The following NCKAP5 variants were observed in gnomAD, a reference collection of about 807,000 sequenced individuals.
NCKAP5 encodes NCK associated protein 5.
NCKAP5 carries 92 observed loss-of-function variants against 167.0 expected under a neutral mutation model. The ratio of observed to expected loss-of-function variants is 0.55; its 90% CI spans 0.47 to 0.66. The LOEUF is 0.66. Among genes scored for constraint, NCKAP5 ranks in the 30% least tolerant of loss-of-function variants. The pLI, the probability that NCKAP5 is intolerant of heterozygous loss-of-function variation, is 0.00. For missense variants in NCKAP5, 2,378 were observed against 2,315.0 expected, an observed-to-expected ratio of 1.03 and a Z score of -0.56; for synonymous variants, 891 against 877.4, an observed-to-expected ratio of 1.02 and a Z score of -0.27.
chr2:133,029,847 C>T (rs2078824322), intron 6 of NCKAP5, among the ~76,000 whole-genome samples: 1 of 152,132 alleles, frequency 6.6e-6, no homozygotes, highest in African/African-American at 2.4e-5. Context: ...TTTTCCTGCT[C>T]CAAACAAGCT....
At chr2:133,550,849 C>G (rs1687230807) in intron 2 of NCKAP5, among the ~76,000 whole-genome samples, 1 of 143,490 alleles carries the variant, frequency 7.0e-6, no homozygotes, top group South Asian at 2.4e-4. Flanking sequence ...CTAGAAAACC[C>G]CATTGTCTCA....
At chr2:133,453,371 A>G (rs894054982) in intron 3 of NCKAP5, among the ~76,000 whole-genome samples, 5 of 152,122 alleles carry the variant, frequency 3.3e-5, no homozygotes, top group Non-Finnish European at 7.4e-5. Context: ...AATAATTCCA[A>G]TTGACTAAAA....
At chr2:133,512,855 C>T (rs1208412036) in intron 3 of NCKAP5, among the ~76,000 whole-genome samples, 1 of 152,080 alleles carries the variant, frequency 6.6e-6, no homozygotes, top group African/African-American at 2.4e-5. Flanking sequence ...CCCCATGGCC[C>T]CTCCATGTAG....
At chr2:133,593,781 TTTC>T in the NCKAP5 span, among the ~76,000 whole-genome samples, 1 of 152,234 alleles carries the variant, frequency 6.6e-6, no homozygotes, top group Non-Finnish European at 1.5e-5. Context: ...CCAGCCTCTG[TTTC>T]TTCTTCTGTG....
Position 132,784,566 on chromosome 2 carries a change from C to A in NCKAP5, c.2245G>T (p.Asp749Tyr). ...TEKNIPKDNV[D>Y]NVPRVSTESF... ...TCAGTGGACACCCTGGGAACATTAT[C>A]TACATTATCTTTTGGAATGTTTTTC... is the stretch of plus-strand genomic sequence containing the variant. Residue 749 changes from aspartate to tyrosine, a missense_variant, in exon 14 of 20, where the codon GAT becomes TAT. By Grantham distance (160) the Asp-to-Tyr change is radical. Coordinates refer to ENST00000409261, the MANE Select transcript of NCKAP5 (RefSeq NM_207363.3). 1 of 1,580,686 alleles carries A rather than the reference C, an allele frequency of 6.3e-7. No individual in the cohort carries two copies. The highest frequency in any genetic ancestry group is 8.6e-7 in the Non-Finnish European group (1 of 1,162,706).
intron 6 of NCKAP5, among the ~76,000 whole-genome samples, chr2:133,019,753 G>C (rs2078462669): frequency 6.6e-6 from 1 of 152,208 alleles, no homozygotes; most frequent in African/African-American, 2.4e-5. Flanking sequence ...CTTAAGATTT[G>C]AAAATGCAGC....
At chr2:133,063,134 G>C (rs1406906447) in intron 6 of NCKAP5, among the ~76,000 whole-genome samples, 9 of 152,156 alleles carry the variant, frequency 5.9e-5, no homozygotes, top group Non-Finnish European at 1.2e-4. Flanking sequence ...AGAGAGATCT[G>C]AGTAACTCCA....
At chr2:133,073,148 A>C (rs1426317265) in intron 6 of NCKAP5, among the ~76,000 whole-genome samples, 1 of 152,336 alleles carries the variant, frequency 6.6e-6, no homozygotes, top group South Asian at 2.1e-4. Context: ...AACAGACACA[A>C]ACAGAAAATC....
chr2:132,954,472 T>G (rs1019383842), intron 8 of NCKAP5, among the ~76,000 whole-genome samples: 1 of 152,202 alleles, frequency 6.6e-6, no homozygotes, highest in Non-Finnish European at 1.5e-5. Context: ...ACAATATGTA[T>G]GTATAAAGAC....
intron 6 of NCKAP5, among the ~76,000 whole-genome samples, chr2:133,054,845 C>T (rs1215554615): frequency 6.6e-6 from 1 of 152,128 alleles, no homozygotes; most frequent in Non-Finnish European, 1.5e-5. Context: ...GAGTCATATG[C>T]TGACATTTAT....
chr2:132,919,275 C>T (rs1695123616), intron 8 of NCKAP5, among the ~76,000 whole-genome samples: 1 of 152,106 alleles, frequency 6.6e-6, no homozygotes, highest in Non-Finnish European at 1.5e-5. Flanking sequence ...GTGTTCACTT[C>T]AGCTAAAAAT....
intron 3 of NCKAP5, among the ~76,000 whole-genome samples, chr2:133,340,625 A>G (rs1683512240): frequency 6.6e-6 from 1 of 152,188 alleles, no homozygotes; most frequent in African/African-American, 2.4e-5. Flanking sequence ...TCTTATAAAC[A>G]AGTTGACAAG....
intron 4 of NCKAP5, among the ~76,000 whole-genome samples, chr2:133,256,826 G>A (rs2088641580): frequency 6.6e-6 from 1 of 152,094 alleles, no homozygotes; most frequent in African/African-American, 2.4e-5. Context: ...GCCCTTTGGG[G>A]CTGCAGCCCT....
intron 2 of NCKAP5, among the ~76,000 whole-genome samples, chr2:133,544,813 T>A (rs1250173821): frequency 6.6e-6 from 1 of 152,198 alleles, no homozygotes; most frequent in African/African-American, 2.4e-5. Context: ...ACTTATACTT[T>A]CAGTTCAGAA....
intron 9 of NCKAP5, among the ~76,000 whole-genome samples, chr2:132,869,480 A>G (rs974573357): frequency 1.3e-5 from 2 of 152,050 alleles, no homozygotes; most frequent in East Asian, 3.9e-4. Flanking sequence ...TTCATCTTCA[A>G]TGTTTTTGCT....
chr2:133,463,429 C>G (rs1170507015), intron 3 of NCKAP5, among the ~76,000 whole-genome samples: 1 of 152,206 alleles, frequency 6.6e-6, no homozygotes, highest in Non-Finnish European at 1.5e-5. Context: ...CTGAACATTC[C>G]TTTTCAATTC....
At chr2:133,474,676 A>T (rs1470409704) in intron 3 of NCKAP5, among the ~76,000 whole-genome samples, 1 of 152,204 alleles carries the variant, frequency 6.6e-6, no homozygotes, top group Non-Finnish European at 1.5e-5. Flanking sequence ...ATTTTTGTAG[A>T]TACAAAAAAT....
At chr2:132,750,119 T>C (rs190224540) in intron 16 of NCKAP5, among the ~76,000 whole-genome samples, 1 of 152,330 alleles carries the variant, frequency 6.6e-6, no homozygotes, top group African/African-American at 2.4e-5. Flanking sequence ...ATTATCTTGA[T>C]TTCTGAAAAG....
chr2:133,271,209 G>A (rs1364846640), intron 4 of NCKAP5, among the ~76,000 whole-genome samples: 1 of 151,822 alleles, frequency 6.6e-6, no homozygotes, highest in East Asian at 1.9e-4. Context: ...TAGGATTACA[G>A]GTGTGAGCCA....
Sources: gnomAD v4.1 joint callset for allele counts (sites outside exome capture counted in the v4.1 genomes callset) on GRCh38, gnomAD v4.1.1 for gene constraint, MANE v1.5 for transcripts, NCBI Gene and HGNC (gene_info 2026-07-23, HGNC 2026-07-21) for gene names.